Variants in PRKCA observed in about 807,000 individuals in gnomAD.
PRKCA encodes the protein protein kinase C alpha, also known as protein kinase C alpha type.
In PRKCA, 27 loss-of-function variants were observed where a neutral mutation model predicts 87.0. The observed-to-expected ratio is 0.31, with a 90% confidence interval of 0.23 to 0.43. The LOEUF (loss-of-function observed/expected upper bound fraction) is 0.43, where lower values mean the gene tolerates loss of function less well. Ranked by LOEUF, PRKCA falls within the 20% of genes least tolerant of loss-of-function variation. PRKCA has a pLI of 1.00. For synonymous variants in PRKCA, 329 were observed against 311.1 expected (o/e 1.06, Z -0.61); for missense variants, 518 against 852.3 (o/e 0.61, Z 4.88).
intron 2 of PRKCA, among the ~76,000 whole-genome samples, chr17:66,475,639 C>T (rs1048955057): frequency 6.6e-6 from 1 of 152,132 alleles, no homozygotes; most frequent in African/African-American, 2.4e-5. Flanking sequence ...TGTTACCTCT[C>T]CTAAACCAAT....
chr17:66,808,937 C>CA lies in PRKCA; in HGVS notation c.*4900_*4901insA. 1.3e-5 allele frequency: 2 copies of CA among 152,224 alleles called. 1 individual carries two copies. The highest frequency in any genetic ancestry group is 3.8e-4 in the East Asian group (2 of 5,196). The allele number at this position is 152,224 out of a possible 1,614,324, so 9.4% of individuals were successfully genotyped here. A position where few individuals can be genotyped will look rare whatever the true frequency, so the allele number is the denominator to read the frequency against. On this transcript the variant is annotated 3_prime_UTR_variant, in exon 17 of 17. Coordinates refer to ENST00000413366, the MANE Select transcript of PRKCA (RefSeq NM_002737.3). Reference sequence around the variant, plus strand: ...TGTTGGCCAGGATGGTCTTGAACCCCTGACCTCATGATCTGCCTGCCTCGG... The same window carrying CA: ...TGTTGGCCAGGATGGTCTTGAACCCCATGACCTCATGATCTGCCTGCCTCGG...
chr17:66,503,312 A>G (rs1044492236), intron 3 of PRKCA, among the ~76,000 whole-genome samples: 2 of 152,176 alleles, frequency 1.3e-5, no homozygotes, highest in Non-Finnish European at 2.9e-5. Flanking sequence ...GTTGAACAGA[A>G]TTCAGGTGAC....
At chr17:66,517,991 A>T (rs890124770) in intron 3 of PRKCA, among the ~76,000 whole-genome samples, 16 of 152,208 alleles carry the variant, frequency 1.1e-4, no homozygotes, top group African/African-American at 3.9e-4. Context: ...GAGAAGAACA[A>T]GGCAAGTTTT....
intron 8 of PRKCA, among the ~76,000 whole-genome samples, chr17:66,690,996 G>T (rs1972769325): frequency 6.6e-6 from 1 of 151,840 alleles, no homozygotes; most frequent in Non-Finnish European, 1.5e-5. Flanking sequence ...ATAGCAGGGT[G>T]TGGTGGCATG....
chr17:66,409,055 AGAAG>A (rs1464775681), intron 2 of PRKCA, among the ~76,000 whole-genome samples: 118 of 146,986 alleles, frequency 8.0e-4, no homozygotes, highest in African/African-American at 2.8e-3. Flanking sequence ...AAAAAAAAAA[AGAAG>A]AAGAATAAAT....
intron 2 of PRKCA, among the ~76,000 whole-genome samples, chr17:66,370,946 A>G (rs986201037): frequency 1.3e-5 from 2 of 152,192 alleles, no homozygotes; most frequent in East Asian, 3.8e-4. Flanking sequence ...AGCTAGATGC[A>G]GGGGCAGGCT....
At chr17:66,393,175 A>G (rs893949028) in intron 2 of PRKCA, among the ~76,000 whole-genome samples, 2 of 151,994 alleles carry the variant, frequency 1.3e-5, no homozygotes, top group African/African-American at 2.4e-5. Flanking sequence ...AAATCTGGGT[A>G]TTGGTTTTGC....
intron 2 of PRKCA, among the ~76,000 whole-genome samples, chr17:66,390,694 G>T (rs904770114): frequency 3.3e-5 from 5 of 152,298 alleles, no homozygotes; most frequent in Admixed American, 1.3e-4. Context: ...CCCCCCTGGG[G>T]TGCACAAAAG....
intron 3 of PRKCA, among the ~76,000 whole-genome samples, chr17:66,621,486 C>T (rs971725219): frequency 8.5e-5 from 13 of 152,082 alleles, no homozygotes; most frequent in South Asian, 4.2e-4. Flanking sequence ...ATCATACCAC[C>T]CGTTTTGACC....
chr17:66,321,160 A>G (rs1164918228), intron 2 of PRKCA, among the ~76,000 whole-genome samples: 2 of 152,204 alleles, frequency 1.3e-5, no homozygotes, highest in Non-Finnish European at 2.9e-5. Flanking sequence ...AGCACAACCT[A>G]AAAGTCTTAT....
intron 2 of PRKCA, among the ~76,000 whole-genome samples, chr17:66,409,053 A>AG (rs1555599881): frequency 2.0e-5 from 3 of 150,992 alleles, no homozygotes; most frequent in Non-Finnish European, 4.4e-5. Flanking sequence ...AAAAAAAAAA[A>AG]AAGAAGAAGA....
At chr17:66,356,947 C>T (rs181927326) in intron 2 of PRKCA, among the ~76,000 whole-genome samples, 22 of 152,198 alleles carry the variant, frequency 1.4e-4, no homozygotes, top group East Asian at 5.8e-4. Context: ...TTGGGAGAGA[C>T]GGAGTTTTGC....
intron 3 of PRKCA, among the ~76,000 whole-genome samples, chr17:66,621,680 G>C (rs1032375598): frequency 6.6e-6 from 1 of 152,086 alleles, no homozygotes; most frequent in Non-Finnish European, 1.5e-5. Flanking sequence ...TACTGATCTG[G>C]TGTTTTCTTT....
chr17:66,662,887 A>C (rs192039316), intron 5 of PRKCA, among the ~76,000 whole-genome samples: 51 of 152,292 alleles, frequency 3.3e-4, no homozygotes, highest in African/African-American at 1.2e-3. Context: ...TCTTGTGCTC[A>C]TGAACTCCTA....
At chr17:66,738,914 TTCC>T in intron 11 of PRKCA, 59 bp downstream of exon 11, 1 of 1,221,864 alleles carries the variant, frequency 8.2e-7, no homozygotes, top group Admixed American at 2.5e-5. Context: ...AACTGGAAAC[TTCC>T]TTTTTTCCCC....
At chr17:66,640,297 A>G (rs958207557) in intron 3 of PRKCA, among the ~76,000 whole-genome samples, 3 of 152,172 alleles carry the variant, frequency 2.0e-5, no homozygotes, top group Non-Finnish European at 4.4e-5. Flanking sequence ...CTCTTTAACC[A>G]CGATGGTCTT....
chr17:66,519,758 A>C (rs1967095126), intron 3 of PRKCA, among the ~76,000 whole-genome samples: 1 of 152,180 alleles, frequency 6.6e-6, no homozygotes. Flanking sequence ...AGATATTCAC[A>C]CACCACAGAT....
intron 2 of PRKCA, among the ~76,000 whole-genome samples, chr17:66,479,922 G>A (rs1915703356): frequency 6.7e-6 from 1 of 149,522 alleles, no homozygotes. Context: ...TTCATATCTG[G>A]GTGTTGAAAC....
intron 2 of PRKCA, among the ~76,000 whole-genome samples, chr17:66,490,146 A>G (rs1916174017): frequency 6.6e-6 from 1 of 152,196 alleles, no homozygotes; most frequent in Non-Finnish European, 1.5e-5. Context: ...AAAAGTCTAT[A>G]TAAGCAAGGT....
Sources: gnomAD v4.1 joint callset for allele counts (sites outside exome capture counted in the v4.1 genomes callset) on GRCh38, gnomAD v4.1.1 for gene constraint, MANE v1.5 for transcripts, NCBI Gene and HGNC (gene_info 2026-07-23, HGNC 2026-07-21) for gene names.